The following GPR15LG variants were observed in gnomAD, a reference collection of about 807,000 sequenced individuals.
GPR15LG encodes G protein-coupled receptor 15 ligand.
chr10:84,175,872 CTTTTTTTCT>C, the GPR15LG span, among the ~76,000 whole-genome samples: 1 of 151,912 alleles, frequency 6.6e-6, no homozygotes, highest in East Asian at 1.9e-4. Context: ...TTTATTCAGG[CTTTTTTTCT>C]TTTTTTCTTT....
chr10:84,178,404 T>C, the GPR15LG span, among the ~76,000 whole-genome samples: 1 of 149,308 alleles, frequency 6.7e-6, no homozygotes, highest in Non-Finnish European at 1.5e-5. Context: ...CAAGTACATC[T>C]ACACACAAAC....
chr10:84,179,472 A>T, the GPR15LG span, among the ~76,000 whole-genome samples: 1 of 152,190 alleles, frequency 6.6e-6, no homozygotes, highest in Admixed American at 6.5e-5. Flanking sequence ...TTCAGCAAGG[A>T]GGGAGATGAA....
chr10:84,183,801 A>G, the GPR15LG span, among the ~76,000 whole-genome samples: 3 of 152,022 alleles, frequency 2.0e-5, no homozygotes, highest in Admixed American at 6.5e-5. Context: ...GTGCGCCACC[A>G]TGCCTGGCAA....
chr10:84,174,648 A>T, the GPR15LG span, among the ~76,000 whole-genome samples: 11 of 152,038 alleles, frequency 7.2e-5, 1 homozygote, highest in South Asian at 2.3e-3. Context: ...GCCCACCACC[A>T]AGCCCAGCTA....
the GPR15LG span, among the ~76,000 whole-genome samples, chr10:84,180,545 C>T: frequency 4.8e-5 from 7 of 145,724 alleles, no homozygotes; most frequent in African/African-American, 7.6e-5. Flanking sequence ...TGGGCAGAGA[C>T]GCTCCTCACT....
the GPR15LG span, among the ~76,000 whole-genome samples, chr10:84,175,615 G>A: frequency 6.6e-5 from 10 of 152,188 alleles, no homozygotes; most frequent in Non-Finnish European, 1.0e-4. Flanking sequence ...AGCAATACTC[G>A]CACCTCAGGT....
the GPR15LG span, among the ~76,000 whole-genome samples, chr10:84,177,560 C>T: frequency 2.0e-5 from 3 of 152,230 alleles, no homozygotes. Flanking sequence ...CAAGGGGATG[C>T]TCAGCTGTGA....
the GPR15LG span, among the ~76,000 whole-genome samples, chr10:84,183,004 A>C: frequency 9.9e-5 from 15 of 151,650 alleles, no homozygotes; most frequent in Non-Finnish European, 2.2e-4. Context: ...CACTATGGGA[A>C]GATCAAAGCA....
At chr10:84,184,511 T>C in the GPR15LG span, among the ~76,000 whole-genome samples, 1 of 152,284 alleles carries the variant, frequency 6.6e-6, no homozygotes, top group African/African-American at 2.4e-5. Flanking sequence ...GAAAAGCCCC[T>C]TCTGGGCCTC....
At chr10:84,184,798 A>T in the GPR15LG span, 140 of 1,612,760 alleles carry the variant, frequency 8.7e-5, no homozygotes, top group Non-Finnish European at 9.8e-5. Context: ...GACAGCGGAG[A>T]ACCTCATGCC....
chr10:84,182,972 C>A, the GPR15LG span, among the ~76,000 whole-genome samples: 1 of 151,282 alleles, frequency 6.6e-6, no homozygotes, highest in South Asian at 2.1e-4. Flanking sequence ...GAGTAAGTTA[C>A]GCTATATATT....
the GPR15LG span, among the ~76,000 whole-genome samples, chr10:84,177,520 C>T: frequency 1.2e-4 from 18 of 152,346 alleles, no homozygotes; most frequent in African/African-American, 3.6e-4. Flanking sequence ...CCATGACCAG[C>T]GCCGGAGCCT....
the GPR15LG span, among the ~76,000 whole-genome samples, chr10:84,174,222 C>G: frequency 6.6e-6 from 1 of 152,182 alleles, no homozygotes; most frequent in Admixed American, 6.5e-5. Context: ...TGCTTAAGTC[C>G]TACCTATCTA....
chr10:84,179,389 C>T, the GPR15LG span, among the ~76,000 whole-genome samples: 1 of 152,178 alleles, frequency 6.6e-6, no homozygotes, highest in African/African-American at 2.4e-5. Context: ...ACTCCAACAC[C>T]GACAACCAAA....
chr10:84,178,540 TCA>T, the GPR15LG span, among the ~76,000 whole-genome samples: 1 of 149,556 alleles, frequency 6.7e-6, no homozygotes, highest in South Asian at 2.1e-4. Context: ...CACAATACAC[TCA>T]CAGACACTAC....
the GPR15LG span, among the ~76,000 whole-genome samples, chr10:84,177,744 C>G: frequency 6.6e-6 from 1 of 152,230 alleles, no homozygotes; most frequent in Admixed American, 6.5e-5. Context: ...CCAGCCCAGG[C>G]AGGATGCAGG....
the GPR15LG span, among the ~76,000 whole-genome samples, chr10:84,178,471 A>G: frequency 1.3e-5 from 2 of 151,730 alleles, no homozygotes; most frequent in African/African-American, 4.8e-5. Context: ...CAAATACACA[A>G]CACTACACAA....
the GPR15LG span, among the ~76,000 whole-genome samples, chr10:84,177,631 C>G: frequency 2.0e-5 from 3 of 152,206 alleles, no homozygotes; most frequent in South Asian, 6.2e-4. Flanking sequence ...GACCTTCTCC[C>G]GGAGATGCTG....
chr10:84,184,828 C>T, the GPR15LG span: 8 of 1,602,190 alleles, frequency 5.0e-6, no homozygotes, highest in African/African-American at 2.7e-5. Flanking sequence ...AGGTACCCAG[C>T]AGCCTCCTGT....
Sources: gnomAD v4.1 joint callset for allele counts (sites outside exome capture counted in the v4.1 genomes callset) on GRCh38, gnomAD v4.1.1 for gene constraint, MANE v1.5 for transcripts, NCBI Gene and HGNC (gene_info 2026-07-23, HGNC 2026-07-21) for gene names.